The following BCAS3 variants were observed in gnomAD, a reference collection of about 807,000 sequenced individuals.
The protein encoded by BCAS3 is BCAS3 microtubule associated cell migration factor.
BCAS3 carries 53 observed loss-of-function variants against 116.1 expected under a neutral mutation model. That is an observed-to-expected ratio of 0.46 (90% CI 0.37 to 0.57). BCAS3 has a LOEUF of 0.57. Ranked by LOEUF, BCAS3 falls within the 20% of genes least tolerant of loss-of-function variation. The probability of loss-of-function intolerance (pLI) is 0.00; values close to 1 mark genes in which losing one functional copy is unlikely to be tolerated. For missense variants in BCAS3, 917 were observed against 1,165.4 expected, an observed-to-expected ratio of 0.79 and a Z score of 3.10; for synonymous variants, 391 against 408.2, an observed-to-expected ratio of 0.96 and a Z score of 0.51.
At chr17:60,827,600 C>T (rs981074768) in intron 7 of BCAS3, among the ~76,000 whole-genome samples, 14 of 152,020 alleles carry the variant, frequency 9.2e-5, no homozygotes, top group African/African-American at 2.2e-4. Flanking sequence ...ATATGATGAA[C>T]GGCATATATT....
chr17:61,372,077 C>T (rs1031981137), intron 23 of BCAS3, among the ~76,000 whole-genome samples: 1 of 152,216 alleles, frequency 6.6e-6, no homozygotes, highest in Non-Finnish European at 1.5e-5. Flanking sequence ...AATTCGAGCT[C>T]AATCCAACTC....
intron 7 of BCAS3, chr17:60,810,188 G>A (rs563135932): frequency 2.4e-5 from 10 of 422,264 alleles, no homozygotes; most frequent in South Asian, 8.7e-5. Context: ...CTTGCTCCAC[G>A]TTCTCCACCA....
At chr17:61,322,812 G>GAGAGAGAGAC (rs2055359965) in intron 22 of BCAS3, among the ~76,000 whole-genome samples, 6 of 131,420 alleles carry the variant, frequency 4.6e-5, no homozygotes, top group African/African-American at 1.8e-4. Context: ...GAGAGAGAGA[G>GAGAGAGAGAC]AGAGAGAGAG....
chr17:60,717,596 T>C (rs1257498802), intron 5 of BCAS3, among the ~76,000 whole-genome samples: 2 of 152,304 alleles, frequency 1.3e-5, no homozygotes, highest in South Asian at 2.1e-4. Context: ...TAAGAGATTA[T>C]GTCCAAGAGT....
intron 22 of BCAS3, among the ~76,000 whole-genome samples, chr17:61,164,037 A>T (rs1295744492): frequency 5.3e-5 from 8 of 149,972 alleles, no homozygotes; most frequent in Admixed American, 4.0e-4. Flanking sequence ...CAAATAAATC[A>T]AAGATTTATT....
intron 7 of BCAS3, among the ~76,000 whole-genome samples, chr17:60,835,055 G>A (rs1457850259): frequency 2.0e-5 from 3 of 151,702 alleles, no homozygotes; most frequent in Admixed American, 2.0e-4. Context: ...CTATTCTTCT[G>A]TATTCCTCTG....
Position 61,392,270 on chromosome 17 carries a change from C to A in BCAS3, c.*145C>A. 1 of 989,696 alleles carries A rather than the reference C, an allele frequency of 1.0e-6. No homozygotes were observed. The allele number at this position is 989,696 out of a possible 1,614,324, so 61.3% of individuals were successfully genotyped here. A position where few individuals can be genotyped will look rare whatever the true frequency, so the allele number is the denominator to read the frequency against. ...TAGTGACAGCAGCCGCCCATCCTAC[C>A]TGGATGGAGAAGAGACCCTTCTCCA... On this transcript the variant is annotated 3_prime_UTR_variant, in exon 24 of 24. Transcript: ENST00000407086. The surrounding 1 kb of genome is among the most constrained non-coding windows in gnomAD (Gnocchi z 6.4).
At chr17:60,826,332 C>T (rs1047339492) in intron 7 of BCAS3, among the ~76,000 whole-genome samples, 2 of 152,050 alleles carry the variant, frequency 1.3e-5, no homozygotes, top group Non-Finnish European at 2.9e-5. Flanking sequence ...TACATGAGTG[C>T]ACCACCATGT....
intron 6 of BCAS3, among the ~76,000 whole-genome samples, chr17:60,788,066 A>G (rs2034727160): frequency 6.6e-6 from 1 of 152,152 alleles, no homozygotes; most frequent in Non-Finnish European, 1.5e-5. Flanking sequence ...ATCTTTTTAC[A>G]ACAGTACTAT....
In BCAS3 at chr17:60,994,802, T is replaced by G. The variant is rs1381642131; in HGVS notation, c.1486+4567T>G. ...TATTACTGCCTCTCTTAAGCCTTCT[T>G]TTGATTTTTATCATCTTTTTCAACC... On this transcript the variant is annotated intron_variant, in intron 15 of 23. Coordinates refer to ENST00000407086, the MANE Select transcript of BCAS3 (RefSeq NM_017679.5). This position sits in a 1 kb window ranked among gnomAD's most constrained non-coding sequence, Gnocchi z 4.4. Among the ~76,000 whole-genome samples the G allele has an allele frequency of 1.3e-5, 2 of 152,214 alleles. No homozygotes were observed. The highest frequency in any genetic ancestry group is 2.1e-4 in the South Asian group (1 of 4,830).
At position 61,136,392 on chromosome 17, in the gene BCAS3, G is replaced by C. The variant is rs1040935350; in HGVS notation, c.2425+51828G>C. Among the ~76,000 whole-genome samples the C allele has an allele frequency of 2.6e-5, 4 of 152,140 alleles. No individual in the cohort carries two copies. The highest frequency in any genetic ancestry group is 2.0e-4 in the Admixed American group (3 of 15,280). ...TATCTGTAGAACAGGGTTTCTCAGC[G>C]TAAGTACTGAAGGTATTTTGGACTG... On this transcript the variant is annotated intron_variant, in intron 22 of 23. Transcript: ENST00000407086. This position sits in a 1 kb window ranked among gnomAD's most constrained non-coding sequence, Gnocchi z 4.4.
At chr17:60,776,709 A>G (rs1022458499) in intron 6 of BCAS3, among the ~76,000 whole-genome samples, 8 of 132,326 alleles carry the variant, frequency 6.0e-5, no homozygotes, top group African/African-American at 2.1e-4. Flanking sequence ...ATAGAGTGAG[A>G]CTCCGTCTCA....
At chr17:60,878,382 G>A (rs1416483709) in intron 9 of BCAS3, among the ~76,000 whole-genome samples, 3 of 152,150 alleles carry the variant, frequency 2.0e-5, no homozygotes, top group Non-Finnish European at 2.9e-5. Flanking sequence ...CATGTCTTGG[G>A]AAGAATAGGG....
rs1217254200 is a variant in BCAS3, at chr17:61,368,511, AC to A, written c.2593+18del. 2 of 1,581,910 alleles carry A rather than the reference AC, an allele frequency of 1.3e-6. No individual in the cohort carries two copies. Among genetic ancestry groups the A allele is most frequent in the African/African-American group, 2.7e-5 (2 of 74,428 alleles). ...CCGGAACAGGTAAAGGTGTCATCAGACTTCTAGCCTGATTTGGTCAGGACCA... is the reference window on the plus strand; with the variant it reads ...CCGGAACAGGTAAAGGTGTCATCAGATTCTAGCCTGATTTGGTCAGGACCA... On this transcript the variant is annotated intron_variant, in intron 23 of 23. Transcript: ENST00000407086. This position sits in a 1 kb window ranked among gnomAD's most constrained non-coding sequence, Gnocchi z 6.0.
chr17:61,368,442 T>G lies in BCAS3; in HGVS notation c.2541T>G (p.Leu847=), dbSNP rs2058856838. 6.2e-7 allele frequency: 1 copy of G among 1,612,234 alleles called. No homozygotes were observed. The stretch of plus-strand genomic sequence containing the variant: ...CGGAGGAGGGCCTCCGGGAGCGACT[T>G]GCCGACGCCATGGCCGAGTCACCTA... ...EHTEEGLRER[L]ADAMAESPSR... The change falls in exon 23 of 24, where the codon CTT becomes CTG. Residue 847 remains leucine, a synonymous_variant. Transcript: ENST00000407086. This position sits in a 1 kb window ranked among gnomAD's most constrained non-coding sequence, Gnocchi z 6.0.
chr17:60,995,859 A>G lies in BCAS3; in HGVS notation c.1486+5624A>G, dbSNP rs1473578632. 6.6e-6 allele frequency among the ~76,000 whole-genome samples: 1 copy of G among 152,174 alleles called. No homozygotes were observed. The highest frequency in any genetic ancestry group is 2.4e-5 in the African/African-American group (1 of 41,424). On this transcript the variant is annotated intron_variant, in intron 15 of 23. Transcript: ENST00000407086. The surrounding 1 kb of genome is among the most constrained non-coding windows in gnomAD (Gnocchi z 4.7). The stretch of plus-strand genomic sequence containing the variant: ...TGTTCCCATGGAGCCACAGAGAAAA[A>G]TGAGGGAAGGGGAATAGGGAATGCC...
intron 10 of BCAS3, among the ~76,000 whole-genome samples, chr17:60,896,048 A>G (rs2057486054): frequency 6.6e-6 from 1 of 152,248 alleles, no homozygotes; most frequent in South Asian, 2.1e-4. Context: ...GTTTAAGGCC[A>G]GGCACGGTTG....
At chr17:60,881,457 T>G (rs8076519) in intron 9 of BCAS3, among the ~76,000 whole-genome samples, 13,747 of 151,974 alleles carry the variant, frequency 0.09, 2,079 homozygotes, top group African/African-American at 0.31. Flanking sequence ...TTTTTTATTA[T>G]ACTTTAAGTT....
rs1273872767 is a variant in BCAS3 at position 61,136,308 on chromosome 17, C to T, written c.2425+51744C>T. Among the ~76,000 whole-genome samples the T allele has an allele frequency of 6.6e-6, 1 of 152,218 alleles. No individual in the cohort carries two copies. The highest frequency in any genetic ancestry group is 1.9e-4 in the East Asian group (1 of 5,200). On this transcript the variant is annotated intron_variant, in intron 22 of 23. Coordinates refer to ENST00000407086, the MANE Select transcript of BCAS3 (RefSeq NM_017679.5). The surrounding 1 kb of genome is among the most constrained non-coding windows in gnomAD (Gnocchi z 4.4). ...TGGACATAGCTTTGTTTCCACCTTG[C>T]ATTCACCCACTAGACAGTAAGCTTT...
Sources: gnomAD v4.1 joint callset for allele counts (sites outside exome capture counted in the v4.1 genomes callset) on GRCh38, gnomAD v4.1.1 for gene constraint, Gnocchi (gnomAD v3.1) non-coding constraint, MANE v1.5 for transcripts, NCBI Gene and HGNC (gene_info 2026-07-23, HGNC 2026-07-21) for gene names.